The following LEO1 variants were observed in gnomAD, a reference collection of about 807,000 sequenced individuals.
LEO1 encodes LEO1 component of Paf1/RNA polymerase II complex.
In LEO1, 34 loss-of-function variants were observed where a neutral mutation model predicts 80.4. The observed-to-expected ratio is 0.42, with a 90% CI of 0.32 to 0.56. The LOEUF (loss-of-function observed/expected upper bound fraction) is 0.56. Ranked by LOEUF, LEO1 falls within the 20% of genes least tolerant of loss-of-function variation. The probability of loss-of-function intolerance (pLI) is 0.10; values close to 1 mark genes in which losing one functional copy is unlikely to be tolerated. For synonymous variants in LEO1, 262 were observed against 274.9 expected, an observed-to-expected ratio of 0.95 and a Z score of 0.46; for missense variants, 631 against 814.2, an observed-to-expected ratio of 0.77 and a Z score of 2.74.
rs573906517 is a variant in LEO1 at position 51,949,786 on chromosome 15, G to A, written c.1798+22C>T. 10 of 1,596,484 alleles carry A rather than the reference G, an allele frequency of 6.3e-6. No individual in the cohort carries two copies. The East Asian group carries it at 1.6e-4, about 25-fold the overall frequency. ...GTCCAGAATCCCGAAATGATGAAAT[G>A]TAATTTCCATACACGACTCACCTCG... On this transcript the variant is annotated intron_variant, in intron 10 of 11. Coordinates refer to ENST00000299601, the MANE Select transcript of LEO1 (RefSeq NM_138792.4).
chr15:51,960,755 G>T, intron 3 of LEO1, 22 bp from the exon 4 acceptor site: 1 of 1,380,068 alleles, frequency 7.2e-7, no homozygotes. Flanking sequence ...AAGGAAAAAG[G>T]CATTAGTGTT....
intron 8 of LEO1, 121 bp downstream of exon 8, chr15:51,953,008 A>G: frequency 1.3e-6 from 1 of 785,218 alleles, no homozygotes; most frequent in South Asian, 1.9e-5. Context: ...TATGCACAAG[A>G]TCTTGGTTCT....
In LEO1 at chr15:51,964,861, T is replaced by G. The variant is rs75662866; in HGVS notation, c.814+888A>C. ...ACAAAGAAATATGATCTCTAATTTTTTGTACATTCTATATGAAGAATGTGT... is the reference window on the plus strand; with the variant it reads ...ACAAAGAAATATGATCTCTAATTTTGTGTACATTCTATATGAAGAATGTGT... On this transcript the variant is annotated intron_variant, in intron 2 of 11. Transcript: ENST00000299601. 2.1e-3 allele frequency among the ~76,000 whole-genome samples: 327 copies of G among 152,340 alleles called. 10 individuals carry two copies. The East Asian group carries it at 0.057, about 26-fold the overall frequency.
chr15:51,947,220 G>T, intron 11 of LEO1, 72 bp downstream of exon 11: 1 of 951,160 alleles, frequency 1.1e-6, no homozygotes, highest in Non-Finnish European at 1.7e-6. Context: ...CCTGATCTGT[G>T]AGCTCTTCAT....
At chr15:51,953,592 C>T (rs2141759382) in intron 7 of LEO1, among the ~76,000 whole-genome samples, 1 of 152,060 alleles carries the variant, frequency 6.6e-6, no homozygotes, top group South Asian at 2.1e-4. Context: ...TGCACTCCAG[C>T]CTGGGCGACA....
Position 51,966,245 on chromosome 15 carries a change from C to G in LEO1, c.318G>C (p.Gln106His). The G allele has an allele frequency of 6.2e-7, 1 of 1,614,008 alleles. No individual in the cohort carries two copies. Among genetic ancestry groups the G allele is most frequent in the South Asian group, 1.1e-5 (1 of 91,086 alleles). ...HEDNDPSDVD[Q>H]HSGSEAPNDD... ...CATTAGGGGCTTCTGATCCACTGTG[C>G]TGATCTACATCTGAGGGGTCATTGT... The change falls in exon 2 of 12, where the codon CAG becomes CAC. Residue 106 changes from glutamine to histidine, a missense_variant. Physicochemically the swap from Gln to His is conservative, Grantham distance 24. Around this residue, in one of 4 missense-constraint regions of LEO1, gnomAD observed 394 missense variants for 395.6 expected, o/e 1.00. Coordinates refer to ENST00000299601, the MANE Select transcript of LEO1 (RefSeq NM_138792.4).
At chr15:51,947,489 C>G in intron 10 of LEO1, 100 bp from the exon 11 acceptor site, 1 of 787,078 alleles carries the variant, frequency 1.3e-6, no homozygotes, top group South Asian at 1.6e-5. Context: ...AATCATGGCT[C>G]ACTGCAGCCT....
chr15:51,952,081 G>T, intron 8 of LEO1, 102 bp from the exon 9 acceptor site: 8 of 1,022,278 alleles, frequency 7.8e-6, no homozygotes, highest in Non-Finnish European at 1.1e-5. Flanking sequence ...CCATTTCCTA[G>T]TCACCTGAAA....
chr15:51,946,024 ACT>A (rs1199336599), intron 11 of LEO1, among the ~76,000 whole-genome samples: 11 of 151,828 alleles, frequency 7.2e-5, no homozygotes, highest in African/African-American at 2.2e-4. Flanking sequence ...ACAGAGCGAG[ACT>A]CTGTCTTAAA....
chr15:51,969,507 C>T (rs921791216), intron 1 of LEO1, among the ~76,000 whole-genome samples: 1 of 149,432 alleles, frequency 6.7e-6, no homozygotes, highest in Non-Finnish European at 1.5e-5. Context: ...TGGTGGCAGG[C>T]GCCTGTAATC....
At chr15:51,954,871 G>A (rs1447387813) in intron 6 of LEO1, 1 of 250,632 alleles carries the variant, frequency 4.0e-6, no homozygotes, top group African/African-American at 2.3e-5. Flanking sequence ...ACCCCGAGAT[G>A]TGTTAAGACA....
intron 7 of LEO1, among the ~76,000 whole-genome samples, chr15:51,953,983 G>C (rs113284299): frequency 0.047 from 7,157 of 151,260 alleles, 403 homozygotes; most frequent in African/African-American, 0.12. Context: ...GCCCAGGCTG[G>C]AGTGCAGTGG....
intron 2 of LEO1, among the ~76,000 whole-genome samples, chr15:51,964,123 G>A (rs1439327720): frequency 3.3e-5 from 5 of 150,668 alleles, no homozygotes; most frequent in African/African-American, 9.8e-5. Flanking sequence ...GGAGAATGGC[G>A]TGAACCCAGG....
In LEO1 at chr15:51,949,828, C is replaced by T. The variant is rs765536535; in HGVS notation, c.1778G>A (p.Arg593Gln). The change falls in exon 10 of 12, where the codon CGA (arginine) becomes CAA (glutamine). Residue 593 changes from arginine (R) to glutamine (Q), a missense_variant. Transcript: ENST00000299601. The part of the protein sequence containing the change: ...ESISLAAIKN[R>Q]YKGGIREERA... Reference sequence around the variant, plus strand: ...CTCACCTCGAATGCCCCCTTTATATCGGTTTTTAATGGCAGCCAAGCTGAT... The same window carrying T: ...CTCACCTCGAATGCCCCCTTTATATTGGTTTTTAATGGCAGCCAAGCTGAT... 7 of 1,613,458 alleles carry T rather than the reference C, an allele frequency of 4.3e-6. No individual in the cohort carries two copies. The highest frequency in any genetic ancestry group is 2.2e-5 in the South Asian group (2 of 91,058).
rs777492927 is a variant in LEO1 at position 51,960,630 on chromosome 15, C to G, written c.1014+9G>C. The G allele has an allele frequency of 6.6e-7, 1 of 1,513,592 alleles. No individual in the cohort carries two copies. The highest frequency in any genetic ancestry group is 1.7e-5 in the Admixed American group (1 of 59,844). The allele number at this position is 1,513,592 out of a possible 1,614,324, so 93.8% of individuals were successfully genotyped here. A position where few individuals can be genotyped will look rare whatever the true frequency, so the allele number is the denominator to read the frequency against. ...GCCTTGAATAAGTTCATGTTACTAA[C>G]TGACTTACAACAGGCTGTCCTGGAG... On this transcript the variant is annotated intron_variant, in intron 4 of 11. Coordinates refer to ENST00000299601, the MANE Select transcript of LEO1 (RefSeq NM_138792.4).
chr15:51,961,350 C>T (rs957216357), intron 3 of LEO1, among the ~76,000 whole-genome samples: 1 of 144,594 alleles, frequency 6.9e-6, no homozygotes, highest in Non-Finnish European at 1.5e-5. Context: ...ACTTATAATA[C>T]CAGGTGGTGG....
Position 51,966,104 on chromosome 15 carries a change from C to A in LEO1, c.459G>T (p.Gln153His). Residue 153 changes from glutamine (Q) to histidine (H), a missense_variant, in exon 2 of 12, where the codon CAG becomes CAT. This residue lies in a region of LEO1 where 394 missense variants were observed against 395.6 expected (regional missense o/e 1.00). Coordinates refer to ENST00000299601, the MANE Select transcript of LEO1 (RefSeq NM_138792.4). ...AATTTTGTATCTTTTCATCATCTGA[C>A]TGGTCACTTTTATCTTCTCTGCCCC... ...EKWGREDKSD[Q>H]SDDEKIQNSD... is the part of the protein sequence containing the mutation. 1 of 1,614,034 alleles carries A rather than the reference C, an allele frequency of 6.2e-7. No individual in the cohort carries two copies. Among genetic ancestry groups the A allele is most frequent in the Admixed American group, 1.7e-5 (1 of 60,002 alleles).
chr15:51,947,044 G>GCTT, intron 11 of LEO1: 1 of 444,696 alleles, frequency 2.2e-6, no homozygotes, highest in East Asian at 4.8e-5. Flanking sequence ...TGACCAGCAA[G>GCTT]CTTCTGATCA....
intron 6 of LEO1, among the ~76,000 whole-genome samples, chr15:51,956,877 G>T (rs2056993908): frequency 6.6e-6 from 1 of 152,148 alleles, no homozygotes; most frequent in South Asian, 2.1e-4. Context: ...ACAGGCTGGA[G>T]TGCAATGGCA....
Sources: gnomAD v4.1 joint callset for allele counts (sites outside exome capture counted in the v4.1 genomes callset) on GRCh38, gnomAD v4.1.1 for gene constraint, gnomAD v4.1.1 regional missense constraint, MANE v1.5 for transcripts, NCBI Gene and HGNC (gene_info 2026-07-23, HGNC 2026-07-21) for gene names.